MROH7: variants seen among roughly 807,000 people sequenced by gnomAD.
MROH7 encodes the protein maestro heat-like repeat-containing protein family member 7.
Under a neutral mutation model 129.2 loss-of-function variants are expected in MROH7, and 113 were observed. That is an observed-to-expected ratio of 0.87 (90% CI 0.75 to 1.02). MROH7 has a LOEUF of 1.02. MROH7 is among the 50% of genes least tolerant of loss of function. MROH7 has a pLI of 0.00. For synonymous variants in MROH7, 655 were observed against 667.9 expected (o/e 0.98, Z 0.30); for missense variants, 1,601 against 1,671.3 (o/e 0.96, Z 0.73).
At position 54,702,206 on chromosome 1, in the gene MROH7, A is replaced by G; in HGVS notation, c.3402A>G (p.Leu1134=). 6.3e-7 allele frequency: 1 copy of G among 1,587,932 alleles called. No individual in the cohort carries two copies. Among genetic ancestry groups the G allele is most frequent in the South Asian group, 1.1e-5 (1 of 87,482 alleles). The change falls in exon 20 of 24, where the codon CTA becomes CTG. Residue 1134 remains leucine, a synonymous_variant. Transcript: ENST00000421030. ...EEQLVSTLVP[L]LLTMQEGNSK... is the part of the protein sequence containing the mutation. Reference sequence around the variant, plus strand: ...AGCTGGTCAGCACCTTGGTGCCCCTACTGCTGACCATGCAGGAGGGCAACT... The same window carrying G: ...AGCTGGTCAGCACCTTGGTGCCCCTGCTGCTGACCATGCAGGAGGGCAACT...
chr1:54,699,099 TTTCTTTC>T (rs1368106238), intron 17 of MROH7: 1 of 33,622 alleles, frequency 3.0e-5, no homozygotes, highest in Non-Finnish European at 6.7e-5. Context: ...TGGCCTTTTC[TTTCTTTC>T]TTTCTTTCTT....
chr1:54,654,188 C>T, intron 3 of MROH7, 31 bp downstream of exon 3: 1 of 1,549,986 alleles, frequency 6.5e-7, no homozygotes, highest in Non-Finnish European at 8.7e-7. Context: ...CTAGAGAGAG[C>T]ACTGTCCTGG....
chr1:54,706,060 C>A (rs1319599208), intron 21 of MROH7, among the ~76,000 whole-genome samples: 1 of 152,056 alleles, frequency 6.6e-6, no homozygotes, highest in Non-Finnish European at 1.5e-5. Flanking sequence ...CTTTTAAGAC[C>A]CCCTGACTCT....
rs1243920143 is a variant in MROH7 at position 54,678,750 on chromosome 1, G to A, written c.1945G>A (p.Asp649Asn). Residue 649 changes from aspartate to asparagine, a missense_variant, in exon 11 of 24, where the codon GAT becomes AAT. By Grantham distance (23) the Asp-to-Asn change is conservative. Transcript: ENST00000421030. ...AGGTTCTCATCTTGCAGGAGCCAGAGATAAGGAAGAGACCAACAAAAAGGA... is the reference window on the plus strand; with the variant it reads ...AGGTTCTCATCTTGCAGGAGCCAGAAATAAGGAAGAGACCAACAAAAAGGA... ...TILELQKRARDKEETNKKELY... is the reference protein window; with the variant it reads ...TILELQKRARNKEETNKKELY... 1 of 1,613,454 alleles carries A rather than the reference G, an allele frequency of 6.2e-7. No homozygotes were observed. The highest frequency in any genetic ancestry group is 8.5e-7 in the Non-Finnish European group (1 of 1,179,408).
rs536363366 is a variant in MROH7, at chr1:54,695,510, G to A, written c.2964+20G>A. On this transcript the variant is annotated intron_variant, in intron 17 of 23. Transcript: ENST00000421030. The stretch of plus-strand genomic sequence containing the variant: ...GTGGAGGTACCAACGGGGGCAGCGG[G>A]TACACAGCGGGAGCTCCTCCCGGGC... 2.3e-5 allele frequency: 35 copies of A among 1,541,268 alleles called. 1 individual carries two copies. In the East Asian group the frequency reaches 7.7e-4, roughly 34 times the overall value.
At chr1:54,672,016 C>T (rs907683319) in intron 7 of MROH7, among the ~76,000 whole-genome samples, 3 of 151,940 alleles carry the variant, frequency 2.0e-5, no homozygotes, top group African/African-American at 7.3e-5. Flanking sequence ...CAGAGGGTGG[C>T]AGAAGGAATA....
At position 54,702,105 on chromosome 1, in the gene MROH7, C is replaced by T. The variant is rs756340446; in HGVS notation, c.3301C>T (p.Arg1101Cys). Residue 1101 changes from arginine (R) to cysteine (C), a missense_variant, in exon 20 of 24, where the codon CGC becomes TGC. Physicochemically the swap from Arg to Cys is radical, Grantham distance 180 (BLOSUM62 -3). Coordinates refer to ENST00000421030, the MANE Select transcript of MROH7 (RefSeq NM_001039464.4). ...PHFSDAREVV[R>C]SSCINLYGKV... is the part of the protein sequence containing the mutation. ...TCTTCCCCAGGCACGAGAGGTCGTGCGCTCCTCCTGCATCAACCTGTATGG... is the reference window on the plus strand; with the variant it reads ...TCTTCCCCAGGCACGAGAGGTCGTGTGCTCCTCCTGCATCAACCTGTATGG... 129 of 1,601,272 alleles carry T rather than the reference C, an allele frequency of 8.1e-5. 3 individuals carry two copies. The South Asian group carries it at 1.3e-3, about 16-fold the overall frequency.
At chr1:54,648,336 T>TTTAA (rs1644501580) in intron 1 of MROH7, among the ~76,000 whole-genome samples, 2 of 142,156 alleles carry the variant, frequency 1.4e-5, no homozygotes, top group African/African-American at 5.3e-5. Flanking sequence ...TTGCATGCAA[T>TTTAA]TTTATTTATT....
intron 13 of MROH7, among the ~76,000 whole-genome samples, chr1:54,681,648 A>G (rs1257139328): frequency 6.6e-6 from 1 of 152,170 alleles, no homozygotes; most frequent in Non-Finnish European, 1.5e-5. Context: ...ACCCTTTAGT[A>G]CACTGGCCTG....
intron 22 of MROH7, among the ~76,000 whole-genome samples, chr1:54,708,417 AAAACAAAC>A (rs55969302): frequency 4.6e-5 from 7 of 150,552 alleles, no homozygotes; most frequent in South Asian, 2.1e-4. Flanking sequence ...ACACTGTCTA[AAAACAAAC>A]AAACAAACAA....
At chr1:54,642,721 C>T (rs1644407025) in intron 1 of MROH7, among the ~76,000 whole-genome samples, 1 of 152,086 alleles carries the variant, frequency 6.6e-6, no homozygotes, top group Non-Finnish European at 1.5e-5. Flanking sequence ...GCTCCAGTGA[C>T]CCTCCCACCT....
chr1:54,682,339 T>G (rs909356374), intron 13 of MROH7, among the ~76,000 whole-genome samples: 1 of 151,910 alleles, frequency 6.6e-6, no homozygotes, highest in Non-Finnish European at 1.5e-5. Context: ...TAATTTTTTT[T>G]GTATTATTAG....
intron 17 of MROH7, chr1:54,695,747 T>C (rs1353335247): frequency 9.7e-6 from 5 of 517,684 alleles, no homozygotes; most frequent in Admixed American, 6.0e-5. Context: ...CCTCTGTGTG[T>C]CAGGCACGAG....
intron 23 of MROH7, among the ~76,000 whole-genome samples, chr1:54,709,566 G>A (rs142202984): frequency 2.0e-5 from 3 of 152,046 alleles, no homozygotes; most frequent in Non-Finnish European, 2.9e-5. Flanking sequence ...AAGTACCACT[G>A]GGTTACCAAG....
intron 2 of MROH7, among the ~76,000 whole-genome samples, chr1:54,652,229 A>C (rs914270122): frequency 1.3e-5 from 2 of 152,166 alleles, no homozygotes; most frequent in African/African-American, 2.4e-5. Context: ...TAGTTCTAGC[A>C]ACTTAGGAGT....
Position 54,679,987 on chromosome 1 carries a change from A to C in MROH7, c.2323A>C (p.Ser775Arg). ...VALLPVSLLASSFMTEVVVAL... is the reference protein window; with the variant it reads ...VALLPVSLLARSFMTEVVVAL... ...CCTGCTGCCCGTCTCCCTCCTGGCTAGCTCCTTCATGACCGAGGTTGTGGT... is the reference window on the plus strand; with the variant it reads ...CCTGCTGCCCGTCTCCCTCCTGGCTCGCTCCTTCATGACCGAGGTTGTGGT... Residue 775 changes from serine (S) to arginine (R), a missense_variant, in exon 13 of 24, where the codon AGC becomes CGC. Coordinates refer to ENST00000421030, the MANE Select transcript of MROH7 (RefSeq NM_001039464.4). The C allele has an allele frequency of 6.2e-7, 1 of 1,613,954 alleles. No homozygotes were observed. Among genetic ancestry groups the C allele is most frequent in the Admixed American group, 1.7e-5 (1 of 60,018 alleles).
intron 13 of MROH7, among the ~76,000 whole-genome samples, chr1:54,681,299 G>A (rs946417344): frequency 6.6e-6 from 1 of 152,122 alleles, no homozygotes; most frequent in African/African-American, 2.4e-5. Flanking sequence ...AGACCTATAG[G>A]GTGGATATAG....
chr1:54,665,169 G>A lies in MROH7; in HGVS notation c.1234G>A (p.Ala412Thr), dbSNP rs1364195267. Reference protein sequence around the residue: ...AVTLQGIPEGAFDEVTSCLVK... With the variant: ...AVTLQGIPEGTFDEVTSCLVK... ...CTCATTGAAATCGTGCCCTGCAGGA[G>A]CCTTTGATGAAGTGACCTCATGCCT... The change falls in exon 4 of 24, where the codon GCC becomes ACC. Residue 412 changes from alanine to threonine, a missense_variant and splice_region_variant. Physicochemically the swap from Ala to Thr is moderately conservative, Grantham distance 58. Transcript: ENST00000421030. The A allele has an allele frequency of 1.2e-6, 2 of 1,613,578 alleles. No individual in the cohort carries two copies. Among genetic ancestry groups the A allele is most frequent in the South Asian group, 1.1e-5 (1 of 91,054 alleles).
chr1:54,651,810 C>G (rs3916257), intron 1 of MROH7, 139 bp from the exon 2 acceptor site: 4,910 of 141,410 alleles, frequency 0.035, 259 homozygotes, highest in African/African-American at 0.11. Context: ...CTCTCTCTCT[C>G]TGTGTGTGTG....
Sources: allele counts gnomAD v4.1 joint callset (sites outside exome capture counted in the v4.1 genomes callset), GRCh38; gene constraint gnomAD v4.1.1; transcripts MANE v1.5; gene names NCBI Gene and HGNC (gene_info 2026-07-23, HGNC 2026-07-21).